The following ROBO2 variants were observed in gnomAD, a reference collection of about 807,000 sequenced individuals.
ROBO2 encodes roundabout guidance receptor 2, also known as roundabout homolog 2.
A neutral mutation model predicts 160.8 loss-of-function variants in ROBO2; 53 were observed. The ratio of observed to expected loss-of-function variants is 0.33; its 90% CI spans 0.26 to 0.41. The LOEUF is 0.41. Ranked by LOEUF, ROBO2 falls within the 10% of genes least tolerant of loss-of-function variation. The pLI, the probability that ROBO2 is intolerant of heterozygous loss-of-function variation, is 1.00. For synonymous variants in ROBO2, 664 were observed against 611.7 expected (o/e 1.09, Z -1.26); for missense variants, 1,577 against 1,722.4 (o/e 0.92, Z 1.49).
At chr3:76,417,898 T>G (rs2075819455) in intron 2 of ROBO2, among the ~76,000 whole-genome samples, 2 of 152,074 alleles carry the variant, frequency 1.3e-5, no homozygotes, top group African/African-American at 4.8e-5. Flanking sequence ...TGTTGAAGTA[T>G]TAGGTTGATG....
chr3:76,937,479 T>C (rs924152687), intron 2 of ROBO2, among the ~76,000 whole-genome samples: 1 of 152,142 alleles, frequency 6.6e-6, no homozygotes, highest in African/African-American at 2.4e-5. Context: ...GTTATTTGTT[T>C]TCACTTAAGT....
intron 2 of ROBO2, among the ~76,000 whole-genome samples, chr3:76,149,753 G>A (rs573508215): frequency 1.5e-5 from 2 of 131,462 alleles, no homozygotes; most frequent in Admixed American, 1.5e-4. Context: ...CACATCATAT[G>A]TCTAAAGCAC....
chr3:76,515,225 T>C (rs1405545364), intron 2 of ROBO2, among the ~76,000 whole-genome samples: 4 of 152,206 alleles, frequency 2.6e-5, no homozygotes, highest in African/African-American at 4.8e-5. Flanking sequence ...AGTTTCTTTA[T>C]ATACCTTCTC....
At chr3:76,328,775 C>A (rs1297660244) in intron 2 of ROBO2, among the ~76,000 whole-genome samples, 1 of 151,918 alleles carries the variant, frequency 6.6e-6, no homozygotes, top group Non-Finnish European at 1.5e-5. Context: ...AGGAGACTGG[C>A]GTGAACCCGG....
chr3:76,222,011 T>G (rs1313114157), intron 2 of ROBO2, among the ~76,000 whole-genome samples: 2 of 152,124 alleles, frequency 1.3e-5, no homozygotes, highest in African/African-American at 4.8e-5. Flanking sequence ...TAATGCCAAA[T>G]GGGATCACAA....
At chr3:77,472,487 T>C (rs2083455056) in intron 2 of ROBO2, among the ~76,000 whole-genome samples, 1 of 152,198 alleles carries the variant, frequency 6.6e-6, no homozygotes, top group African/African-American at 2.4e-5. Flanking sequence ...TAAGTCATGG[T>C]GCATCCCAAT....
intron 2 of ROBO2, among the ~76,000 whole-genome samples, chr3:77,329,828 G>T (rs537257731): frequency 1.3e-5 from 2 of 152,034 alleles, no homozygotes; most frequent in Non-Finnish European, 2.9e-5. Flanking sequence ...GTTATGTGAG[G>T]GCGGCACAAT....
At chr3:76,445,342 G>T (rs147236587) in intron 2 of ROBO2, among the ~76,000 whole-genome samples, 1 of 152,114 alleles carries the variant, frequency 6.6e-6, no homozygotes, top group African/African-American at 2.4e-5. Context: ...AATTGAGAGG[G>T]AAAGTAAACA....
At position 77,558,208 on chromosome 3, in the gene ROBO2, A is replaced by G. The variant is rs1443588977; in HGVS notation, c.1437+59A>G. 2.8e-6 allele frequency: 4 copies of G among 1,404,510 alleles called. No homozygotes were observed. The Admixed American group carries it at 6.7e-5, about 24-fold the overall frequency. 87.0% of individuals were successfully genotyped at this position (1,404,510 alleles called of 1,614,324 possible). On this transcript the variant is annotated intron_variant, in intron 9 of 25. Coordinates refer to ENST00000461745, the Ensembl canonical transcript of ROBO2. Reference sequence around the variant, plus strand: ...TCTACACATAAGTACTGCTCTATGGAAAAATTGCATAGTGAACTTAAAATC... The same window carrying G: ...TCTACACATAAGTACTGCTCTATGGGAAAATTGCATAGTGAACTTAAAATC...
Position 76,557,627 on chromosome 3 carries a change from T to C in ROBO2, c.110-540387T>C, listed in dbSNP as rs2083879456. On this transcript the variant is annotated intron_variant, in intron 2 of 26. Transcript: ENST00000487694. ...GCCTTTTTTTTTTTTTTTTTTACTT[T>C]AAGAAGTTTATCTCCACTTTTGCTT... Among the ~76,000 whole-genome samples the C allele has an allele frequency of 6.7e-5, 10 of 148,292 alleles. No homozygotes were observed. In the South Asian group the frequency reaches 2.2e-3, roughly 32 times the overall value.
At chr3:77,305,001 G>A (rs1279365208) in intron 2 of ROBO2, among the ~76,000 whole-genome samples, 1 of 152,144 alleles carries the variant, frequency 6.6e-6, no homozygotes, top group Non-Finnish European at 1.5e-5. Context: ...ATTGTGACTG[G>A]TATTTAAAAC....
chr3:77,592,140 G>A lies in ROBO2; in HGVS notation c.2684-3002G>A, dbSNP rs187800706. Among the ~76,000 whole-genome samples the A allele has an allele frequency of 2.9e-3, 445 of 152,224 alleles. 7 individuals carry two copies. The highest frequency in any genetic ancestry group is 1.1e-3 in the Non-Finnish European group (77 of 68,000). ...AAAACACAACTAAATAACCCATTAA[G>A]ATAAGGGTTTTTAAAAAAATTCTGA... On this transcript the variant is annotated intron_variant, in intron 17 of 25. Transcript: ENST00000461745.
chr3:77,111,653 A>G (rs1250481861), intron 2 of ROBO2, among the ~76,000 whole-genome samples: 1 of 152,102 alleles, frequency 6.6e-6, no homozygotes, highest in African/African-American at 2.4e-5. Flanking sequence ...TTTTAGTTTA[A>G]GGATAGATTT....
At chr3:76,188,580 G>T (rs992128502) in intron 2 of ROBO2, among the ~76,000 whole-genome samples, 3 of 152,024 alleles carry the variant, frequency 2.0e-5, no homozygotes, top group African/African-American at 7.2e-5. Context: ...AATTTCTGTT[G>T]TTTTAAGCCA....
intron 2 of ROBO2, among the ~76,000 whole-genome samples, chr3:77,023,589 A>G (rs1460383450): frequency 6.6e-6 from 1 of 152,216 alleles, no homozygotes; most frequent in Non-Finnish European, 1.5e-5. Context: ...AACTTTTTGT[A>G]TGTCACATAT....
In ROBO2 at chr3:76,284,640, T is replaced by C. The variant is rs1489719810; in HGVS notation, c.109+347038T>C. 2.0e-5 allele frequency among the ~76,000 whole-genome samples: 3 copies of C among 152,150 alleles called. No homozygotes were observed. The East Asian group carries it at 5.8e-4, about 29-fold the overall frequency. The stretch of plus-strand genomic sequence containing the variant: ...CAATTGCTTTCTCAAAAATATTATT[T>C]GATCATCAGCTTCTGTGAGTAAAAC... On this transcript the variant is annotated intron_variant, in intron 2 of 26. Transcript: ENST00000487694.
Position 76,147,684 on chromosome 3 carries a change from A to G in ROBO2, c.109+210082A>G, listed in dbSNP as rs190861547. On this transcript the variant is annotated intron_variant, in intron 2 of 26. Transcript: ENST00000487694. ...GCAGAGAAAAATTGTAATGATTGCAAAGCAGCCAAGACAGGAAATGGGAAG... is the reference window on the plus strand; with the variant it reads ...GCAGAGAAAAATTGTAATGATTGCAGAGCAGCCAAGACAGGAAATGGGAAG... 3.7e-4 allele frequency among the ~76,000 whole-genome samples: 56 copies of G among 152,126 alleles called. No individual in the cohort carries two copies. The East Asian group carries it at 9.9e-3, about 27-fold the overall frequency.
upstream of ROBO2, among the ~76,000 whole-genome samples, chr3:77,039,533 C>A (rs369823859): frequency 6.6e-6 from 1 of 152,170 alleles, no homozygotes; most frequent in South Asian, 2.1e-4. Flanking sequence ...TATCCCCTCC[C>A]GAGGCGGGAA....
intron 2 of ROBO2, among the ~76,000 whole-genome samples, chr3:76,610,300 C>T (rs554721516): frequency 2.0e-5 from 3 of 152,288 alleles, no homozygotes; most frequent in Non-Finnish European, 2.9e-5. Flanking sequence ...AGGCCTCACT[C>T]GGGGCCCCCT....
Sources: gnomAD v4.1 joint callset for allele counts (sites outside exome capture counted in the v4.1 genomes callset) on GRCh38, gnomAD v4.1.1 for gene constraint, MANE v1.5 for transcripts, NCBI Gene and HGNC (gene_info 2026-07-23, HGNC 2026-07-21) for gene names.